ALK: variants seen among roughly 807,000 people sequenced by gnomAD.
The protein encoded by ALK is ALK receptor tyrosine kinase.
Under a neutral mutation model 163.1 loss-of-function variants are expected in ALK, and 74 were observed. The ratio of observed to expected loss-of-function variants is 0.45; its 90% CI spans 0.38 to 0.55. The LOEUF (loss-of-function observed/expected upper bound fraction) is 0.55. Among genes scored for constraint, ALK ranks in the 20% least tolerant of loss-of-function variants. ALK has a pLI of 0.00. For missense variants in ALK, 2,063 were observed against 2,105.3 expected, an observed-to-expected ratio of 0.98 and a Z score of 0.39; for synonymous variants, 960 against 843.2, an observed-to-expected ratio of 1.14 and a Z score of -2.40.
At chr2:29,404,980 C>T (rs1669545930) in intron 4 of ALK, among the ~76,000 whole-genome samples, 1 of 152,132 alleles carries the variant, frequency 6.6e-6, no homozygotes, top group South Asian at 2.1e-4. Context: ...ACTTTTAAAG[C>T]TCAAATGCCC....
intron 2 of ALK, among the ~76,000 whole-genome samples, chr2:29,708,623 G>A (rs774424891): frequency 2.0e-5 from 3 of 152,186 alleles, no homozygotes; most frequent in Non-Finnish European, 4.4e-5. Context: ...GATGAGTTGT[G>A]TAAAGCAACA....
At position 29,446,923 on chromosome 2, in the gene ALK, C is replaced by T. The variant is rs1459763827; in HGVS notation, c.1155-63064G>A. Among the ~76,000 whole-genome samples, 4 of 152,112 alleles carry T rather than the reference C, an allele frequency of 2.6e-5. No homozygotes were observed. In the South Asian group the frequency reaches 8.3e-4, roughly 32 times the overall value. On this transcript the variant is annotated intron_variant, in intron 4 of 28. Transcript: ENST00000389048. ...TAGTGTGTGGTTTATGAGCTGTGTG[C>T]TTAATATTCTTTTCCAGTCTTCATC...
At chr2:29,463,722 G>T (rs1021987161) in intron 4 of ALK, among the ~76,000 whole-genome samples, 3 of 152,222 alleles carry the variant, frequency 2.0e-5, no homozygotes, top group African/African-American at 7.2e-5. Flanking sequence ...GTAGGGGAGA[G>T]AGAGAATATG....
At chr2:29,420,185 GACC>G (rs1669983418) in intron 4 of ALK, among the ~76,000 whole-genome samples, 2 of 147,094 alleles carry the variant, frequency 1.4e-5, no homozygotes, top group Non-Finnish European at 3.0e-5. Flanking sequence ...AAAAGGTAGG[GACC>G]ACAACTGCAA....
At chr2:29,741,760 A>G (rs1319444650) in intron 1 of ALK, among the ~76,000 whole-genome samples, 13 of 152,144 alleles carry the variant, frequency 8.5e-5, no homozygotes, top group Admixed American at 8.5e-4. Context: ...ATCCCCTTAC[A>G]AAAGTCTCTG....
chr2:29,791,628 TAA>T (rs1664191714), intron 1 of ALK, among the ~76,000 whole-genome samples: 1 of 151,588 alleles, frequency 6.6e-6, no homozygotes, highest in South Asian at 2.1e-4. Flanking sequence ...AAAGTATAAT[TAA>T]AAATATATAT....
intron 5 of ALK, among the ~76,000 whole-genome samples, chr2:29,353,369 T>C (rs543462138): frequency 6.6e-6 from 1 of 152,366 alleles, no homozygotes; most frequent in South Asian, 2.1e-4. Context: ...ACCAATTTTT[T>C]TCACTTTTTG....
intron 3 of ALK, among the ~76,000 whole-genome samples, chr2:29,636,569 C>T (rs1181479003): frequency 1.3e-5 from 2 of 152,004 alleles, no homozygotes; most frequent in Non-Finnish European, 2.9e-5. Flanking sequence ...CCAAAAAACA[C>T]TATCTATAAA....
chr2:29,543,805 T>A (rs1206561577), intron 3 of ALK, among the ~76,000 whole-genome samples: 1 of 152,224 alleles, frequency 6.6e-6, no homozygotes, highest in African/African-American at 2.4e-5. Flanking sequence ...AAATTGCTCA[T>A]GCCTCCCCTC....
intron 2 of ALK, among the ~76,000 whole-genome samples, chr2:29,702,646 A>G (rs1014125340): frequency 6.6e-6 from 1 of 152,270 alleles, no homozygotes; most frequent in Admixed American, 6.5e-5. Context: ...TAATTTATAA[A>G]GAAAAAGAGG....
intron 1 of ALK, among the ~76,000 whole-genome samples, chr2:29,746,702 TC>T (rs1680215325): frequency 6.6e-6 from 1 of 152,218 alleles, no homozygotes; most frequent in East Asian, 1.9e-4. Flanking sequence ...AGGTCCTTAG[TC>T]CAGTTTGGGG....
intron 4 of ALK, among the ~76,000 whole-genome samples, chr2:29,491,153 A>G (rs887619130): frequency 6.6e-5 from 10 of 152,250 alleles, no homozygotes; most frequent in African/African-American, 2.4e-4. Context: ...TAAAAGTTTT[A>G]CTCCTAATAT....
chr2:29,858,393 C>G (rs949827212), intron 1 of ALK, among the ~76,000 whole-genome samples: 5 of 151,968 alleles, frequency 3.3e-5, no homozygotes, highest in African/African-American at 1.2e-4. Flanking sequence ...GGAACCACCC[C>G]CCTCTCGCAC....
At chr2:29,561,748 G>A (rs1365064298) in intron 3 of ALK, among the ~76,000 whole-genome samples, 2 of 152,258 alleles carry the variant, frequency 1.3e-5, no homozygotes, top group Admixed American at 6.5e-5. Flanking sequence ...TTAGAGGAGC[G>A]AGGTTGTTAT....
chr2:29,414,294 C>G, intron 4 of ALK, among the ~76,000 whole-genome samples: 1 of 152,180 alleles, frequency 6.6e-6, no homozygotes, highest in East Asian at 1.9e-4. Flanking sequence ...GGATCTCTTA[C>G]AGTTCTGAAA....
intron 3 of ALK, among the ~76,000 whole-genome samples, chr2:29,671,785 G>C (rs1271765360): frequency 6.6e-6 from 1 of 151,926 alleles, no homozygotes; most frequent in African/African-American, 2.4e-5. Flanking sequence ...CAGTGCTTTG[G>C]TTTTGATTTT....
intron 3 of ALK, among the ~76,000 whole-genome samples, chr2:29,540,212 T>A (rs145885547): frequency 2.6e-5 from 4 of 152,164 alleles, no homozygotes; most frequent in African/African-American, 9.6e-5. Flanking sequence ...AGTTTCTTTA[T>A]AGGGTTCCTG....
chr2:29,593,371 T>C lies in ALK; in HGVS notation c.953-61255A>G, dbSNP rs188913018. On this transcript the variant is annotated intron_variant, in intron 3 of 28. Transcript: ENST00000389048. The stretch of plus-strand genomic sequence containing the variant: ...GTGAAGAGATGCAGGCAGACTAGGA[T>C]TTCTCACCCTAGGACGTAGTTTCCC... 4.6e-4 allele frequency among the ~76,000 whole-genome samples: 70 copies of C among 152,272 alleles called. No individual in the cohort carries two copies. In the South Asian group the frequency reaches 5.0e-3, roughly 11 times the overall value.
chr2:29,871,775 G>C (rs7584533), intron 1 of ALK, among the ~76,000 whole-genome samples: 1 of 151,990 alleles, frequency 6.6e-6, no homozygotes, highest in East Asian at 1.9e-4. Context: ...CCAGAGAGAG[G>C]AAGTGACTCA....
Sources: allele counts gnomAD v4.1 joint callset (sites outside exome capture counted in the v4.1 genomes callset), GRCh38; gene constraint gnomAD v4.1.1; transcripts MANE v1.5; gene names NCBI Gene and HGNC (gene_info 2026-07-23, HGNC 2026-07-21).